Variants in SREK1IP1 observed in about 807,000 individuals in gnomAD.
SREK1IP1 encodes SREK1 interacting protein 1.
In SREK1IP1, 12 loss-of-function variants were observed where a neutral mutation model predicts 22.8. The observed-to-expected ratio is 0.53, with a 90% CI of 0.34 to 0.85. SREK1IP1 has a LOEUF of 0.85. Ranked by LOEUF, SREK1IP1 falls within the 40% of genes least tolerant of loss-of-function variation. SREK1IP1 has a pLI of 0.02. For missense variants in SREK1IP1, 147 were observed against 171.8 expected (o/e 0.86, Z 0.81); for synonymous variants, 53 against 52.7 (o/e 1.01, Z -0.02).
intron 1 of SREK1IP1, among the ~76,000 whole-genome samples, chr5:64,759,329 G>A (rs1742905793): frequency 1.3e-5 from 2 of 152,268 alleles, no homozygotes; most frequent in South Asian, 4.1e-4. Flanking sequence ...CTATAGTAGA[G>A]CTATATTGTG....
At position 64,747,877 on chromosome 5, in the gene SREK1IP1, G is replaced by A. The variant is rs553680483; in HGVS notation, c.61+6438C>T. On this transcript the variant is annotated intron_variant, in intron 2 of 4. Transcript: ENST00000513458. The stretch of plus-strand genomic sequence containing the variant: ...TGGGAGGCAGAGGTTAGGTTGCAGT[G>A]AGCCGAGATGGCGCCACTGCACTCC... 3.3e-5 allele frequency among the ~76,000 whole-genome samples: 5 copies of A among 151,920 alleles called. No individual in the cohort carries two copies. The East Asian group carries it at 7.8e-4, about 24-fold the overall frequency.
rs568669974 is a variant in SREK1IP1, at chr5:64,719,162, A to G, written c.*5222T>C. 1.3e-5 allele frequency: 2 copies of G among 152,312 alleles called. No homozygotes were observed. Among genetic ancestry groups the G allele is most frequent in the East Asian group, 3.9e-4 (2 of 5,192 alleles). The allele number at this position is 152,312 out of a possible 1,614,324, so 9.4% of individuals were successfully genotyped here. A position where few individuals can be genotyped will look rare whatever the true frequency, so the allele number is the denominator to read the frequency against. On this transcript the variant is annotated 3_prime_UTR_variant, in exon 5 of 5. Coordinates refer to ENST00000513458, the MANE Select transcript of SREK1IP1 (RefSeq NM_173829.4). ...TGGTAGCCACCAGTCACATGTGGCT[A>G]CTGAACACTTAAGATGTGGCTAATG...
In SREK1IP1 at chr5:64,768,514, C is replaced by T. The variant is rs201900102; in HGVS notation, c.4G>A (p.Ala2Thr). Residue 2 changes from alanine (A) to threonine (T), a missense_variant, in exon 1 of 5, where the codon GCA becomes ACA. Ala to Thr is a moderately conservative substitution (Grantham distance 58, BLOSUM62 0). Around this residue, in one of 3 missense-constraint regions of SREK1IP1, gnomAD observed 62 missense variants for 73.3 expected, o/e 0.85. Transcript: ENST00000513458. M[A>T]VPGCNKDSVR... ...TGTAATTGCTCCTTACCTGGGACTG[C>T]CATGACGGTGGTAAGAGGGGTAACT... 6.2e-7 allele frequency: 1 copy of T among 1,614,130 alleles called. No individual in the cohort carries two copies. The highest frequency in any genetic ancestry group is 1.3e-5 in the African/African-American group (1 of 75,048).
At chr5:64,758,278 C>T (rs1742884215) in intron 1 of SREK1IP1, among the ~76,000 whole-genome samples, 1 of 152,178 alleles carries the variant, frequency 6.6e-6, no homozygotes, top group Admixed American at 6.5e-5. Context: ...AAGTGATTCT[C>T]CTGCCTCAGC....
intron 3 of SREK1IP1, among the ~76,000 whole-genome samples, chr5:64,732,692 G>T (rs1312287477): frequency 1.3e-5 from 2 of 152,022 alleles, no homozygotes; most frequent in Non-Finnish European, 2.9e-5. Context: ...TGTAAATATA[G>T]TCATAAGTTT....
intron 3 of SREK1IP1, 38 bp from the exon 4 acceptor site, chr5:64,728,217 T>A (rs764600352): frequency 1.5e-6 from 2 of 1,321,698 alleles, no homozygotes; most frequent in South Asian, 4.3e-5. Flanking sequence ...ATCTGGTTAA[T>A]ATATGATTCT....
intron 4 of SREK1IP1, 62 bp downstream of exon 4, chr5:64,728,045 T>G (rs1742304827): frequency 3.4e-6 from 4 of 1,160,216 alleles, no homozygotes; most frequent in Admixed American, 9.1e-5. Context: ...AAAATAAAAT[T>G]TTATAATCCA....
rs988820248 is a variant in SREK1IP1 at position 64,741,815 on chromosome 5, TAAAGA to T, written c.62-620_62-616del. On this transcript the variant is annotated intron_variant, in intron 2 of 4. Transcript: ENST00000513458. The stretch of plus-strand genomic sequence containing the variant: ...TCAAATATTACAAACACTATAAAAG[TAAAGA>T]AAATAATATAACCAATACCTAAATA... Among the ~76,000 whole-genome samples, 357 of 134,698 alleles carry T rather than the reference TAAAGA, an allele frequency of 2.7e-3. 1 individual carries two copies. The highest frequency in any genetic ancestry group is 0.013 in the African/African-American group (312 of 24,956). The allele number at this position is 134,698 out of a possible 152,430, so 88.4% of individuals were successfully genotyped here. A position where few individuals can be genotyped will look rare whatever the true frequency, so the allele number is the denominator to read the frequency against.
rs1281989677 is a variant in SREK1IP1, at chr5:64,719,216, TTTAA to T, written c.*5164_*5167del. On this transcript the variant is annotated 3_prime_UTR_variant, in exon 5 of 5. Transcript: ENST00000513458. Reference sequence around the variant, plus strand: ...CTGAAAAAATAAAATTTTTCATTTATTTAATTAATTTAAATAACCCTATGTGGCT... The same window carrying T: ...CTGAAAAAATAAAATTTTTCATTTATTTAATTTAAATAACCCTATGTGGCT... 2 of 152,234 alleles carry T rather than the reference TTTAA, an allele frequency of 1.3e-5. No individual in the cohort carries two copies. The highest frequency in any genetic ancestry group is 2.4e-5 in the African/African-American group (1 of 41,466). The allele number at this position is 152,234 out of a possible 1,614,324, so 9.4% of individuals were successfully genotyped here.
At chr5:64,764,101 T>C (rs1460470741) in intron 1 of SREK1IP1, among the ~76,000 whole-genome samples, 1 of 135,432 alleles carries the variant, frequency 7.4e-6, no homozygotes, top group East Asian at 1.9e-4. Context: ...TAGAATACAC[T>C]GAAATACACT....
At chr5:64,737,037 T>C (rs1177142690) in intron 3 of SREK1IP1, among the ~76,000 whole-genome samples, 2 of 152,034 alleles carry the variant, frequency 1.3e-5, no homozygotes, top group Non-Finnish European at 2.9e-5. Context: ...CTCTTCTACT[T>C]AGCAATGATG....
At chr5:64,735,553 A>T (rs915243191) in intron 3 of SREK1IP1, among the ~76,000 whole-genome samples, 1 of 151,944 alleles carries the variant, frequency 6.6e-6, no homozygotes, top group African/African-American at 2.4e-5. Context: ...ATGCGGGGGT[A>T]CTCTTCATAT....
Position 64,768,609 on chromosome 5 carries a change from G to C in SREK1IP1, c.-92C>G. 1 of 1,590,554 alleles carries C rather than the reference G, an allele frequency of 6.3e-7. No individual in the cohort carries two copies. The highest frequency in any genetic ancestry group is 8.6e-7 in the Non-Finnish European group (1 of 1,161,488). ...GAGAACAAGGCACAGTCAAAGCGGC[G>C]TTTTCCTTCCCCCAGCGCAGCAGCA... On this transcript the variant is annotated 5_prime_UTR_variant, in exon 1 of 5. Transcript: ENST00000513458.
At chr5:64,752,632 T>C (rs1286920209) in intron 2 of SREK1IP1, among the ~76,000 whole-genome samples, 2 of 152,188 alleles carry the variant, frequency 1.3e-5, no homozygotes, top group Non-Finnish European at 2.9e-5. Context: ...AATTGTACAA[T>C]CTGAACAACT....
At chr5:64,752,811 A>G (rs1429773098) in intron 2 of SREK1IP1, among the ~76,000 whole-genome samples, 1 of 152,218 alleles carries the variant, frequency 6.6e-6, no homozygotes, top group Non-Finnish European at 1.5e-5. Context: ...TTTGTAAATG[A>G]AATTTCTATT....
intron 3 of SREK1IP1, among the ~76,000 whole-genome samples, chr5:64,729,638 G>T (rs1742342894): frequency 6.6e-6 from 1 of 152,146 alleles, no homozygotes; most frequent in Non-Finnish European, 1.5e-5. Context: ...AATTGGAAAG[G>T]GCTAAGGGGA....
At chr5:64,747,765 A>G (rs1180678458) in intron 2 of SREK1IP1, among the ~76,000 whole-genome samples, 1 of 152,078 alleles carries the variant, frequency 6.6e-6, no homozygotes, top group Non-Finnish European at 1.5e-5. Context: ...CGTCTATACT[A>G]AAAATATAAA....
chr5:64,753,513 AC>A (rs1323224981), intron 2 of SREK1IP1, among the ~76,000 whole-genome samples: 1 of 152,200 alleles, frequency 6.6e-6, no homozygotes, highest in African/African-American at 2.4e-5. Flanking sequence ...GAAGTATGCG[AC>A]TTGTTCTCTC....
chr5:64,745,718 A>G (rs1243166212), intron 2 of SREK1IP1, among the ~76,000 whole-genome samples: 1 of 152,216 alleles, frequency 6.6e-6, no homozygotes, highest in Admixed American at 6.5e-5. Flanking sequence ...CCATACTGGT[A>G]GCAGTCTCTG....
Sources: allele counts gnomAD v4.1 joint callset (sites outside exome capture counted in the v4.1 genomes callset), GRCh38; gene constraint gnomAD v4.1.1; regional missense constraint gnomAD v4.1.1; transcripts MANE v1.5; gene names NCBI Gene and HGNC (gene_info 2026-07-23, HGNC 2026-07-21).